ADCY2: variants seen among roughly 807,000 people sequenced by gnomAD.
ADCY2 encodes the protein adenylate cyclase type 2.
In ADCY2, 31 loss-of-function variants were observed where a neutral mutation model predicts 125.2. The observed-to-expected ratio is 0.25, with a 90% CI of 0.19 to 0.33. The LOEUF is 0.33. Ranked by LOEUF, ADCY2 falls within the 10% of genes least tolerant of loss-of-function variation. The pLI, the probability that ADCY2 is intolerant of heterozygous loss-of-function variation, is 1.00. For synonymous variants in ADCY2, 512 were observed against 548.4 expected (o/e 0.93, Z 0.93); for missense variants, 904 against 1,418.2 (o/e 0.64, Z 5.82).
At chr5:7,717,098 G>T in intron 11 of ADCY2, 59 bp from the exon 12 acceptor site, 1 of 1,097,496 alleles carries the variant, frequency 9.1e-7, no homozygotes, top group Non-Finnish European at 1.4e-6. Context: ...CTAAAAAATT[G>T]GCTTAATATT....
chr5:7,501,081 C>CT (rs992225915), intron 2 of ADCY2, among the ~76,000 whole-genome samples: 8 of 144,504 alleles, frequency 5.5e-5, no homozygotes, highest in Admixed American at 1.4e-4. Flanking sequence ...TTTTCAGCAT[C>CT]TTTTTTTTGT....
intron 15 of ADCY2, among the ~76,000 whole-genome samples, chr5:7,753,933 C>T (rs1742908003): frequency 6.6e-6 from 1 of 152,182 alleles, no homozygotes. Flanking sequence ...AAAGATACCG[C>T]CTGTCTCCCT....
chr5:7,442,903 C>G (rs1741066914), intron 2 of ADCY2, among the ~76,000 whole-genome samples: 1 of 152,138 alleles, frequency 6.6e-6, no homozygotes, highest in Non-Finnish European at 1.5e-5. Context: ...ATTGATACTC[C>G]TGAATATTAT....
At chr5:7,814,820 A>G (rs1438894830) in intron 22 of ADCY2, among the ~76,000 whole-genome samples, 1 of 152,040 alleles carries the variant, frequency 6.6e-6, no homozygotes, top group African/African-American at 2.4e-5. Context: ...ACCTTTCTTC[A>G]TCTCTGATTT....
intron 11 of ADCY2, among the ~76,000 whole-genome samples, chr5:7,714,829 T>C (rs1741547683): frequency 6.6e-6 from 1 of 152,364 alleles, no homozygotes; most frequent in South Asian, 2.1e-4. Context: ...AATACCTGTC[T>C]GAGCCTCCAG....
At chr5:7,614,949 G>A (rs1244995490) in intron 3 of ADCY2, among the ~76,000 whole-genome samples, 1 of 152,186 alleles carries the variant, frequency 6.6e-6, no homozygotes, top group East Asian at 1.9e-4. Flanking sequence ...AAGAAAACAG[G>A]TTTAATTGAC....
intron 7 of ADCY2, among the ~76,000 whole-genome samples, chr5:7,706,016 G>T (rs1450067065): frequency 6.6e-6 from 1 of 152,128 alleles, no homozygotes; most frequent in Non-Finnish European, 1.5e-5. Context: ...GCCTCTTGGG[G>T]TAATTCTTTC....
At chr5:7,550,333 C>G (rs1339254264) in intron 3 of ADCY2, among the ~76,000 whole-genome samples, 1 of 152,088 alleles carries the variant, frequency 6.6e-6, no homozygotes, top group Non-Finnish European at 1.5e-5. Context: ...TCTACTGGGT[C>G]TAAAAATCCC....
chr5:7,459,631 A>G (rs768081949), intron 2 of ADCY2, among the ~76,000 whole-genome samples: 5 of 152,048 alleles, frequency 3.3e-5, no homozygotes, highest in African/African-American at 4.8e-5. Context: ...CTTAACTCCA[A>G]AATTAAACGG....
At chr5:7,436,543 A>G (rs1424875079) in intron 2 of ADCY2, among the ~76,000 whole-genome samples, 1 of 152,342 alleles carries the variant, frequency 6.6e-6, no homozygotes, top group Admixed American at 6.5e-5. Context: ...GAAAACCTGT[A>G]GAACAGGTCC....
intron 18 of ADCY2, among the ~76,000 whole-genome samples, chr5:7,781,641 C>T (rs1293521907): frequency 6.6e-6 from 1 of 152,176 alleles, no homozygotes; most frequent in Non-Finnish European, 1.5e-5. Flanking sequence ...ACTTCTAGCC[C>T]CCACAACACT....
At chr5:7,632,505 G>A (rs1377511836) in intron 4 of ADCY2, among the ~76,000 whole-genome samples, 1 of 151,822 alleles carries the variant, frequency 6.6e-6, no homozygotes, top group Non-Finnish European at 1.5e-5. Flanking sequence ...AGCCAGTGTT[G>A]GTTATTGCTT....
intron 4 of ADCY2, among the ~76,000 whole-genome samples, chr5:7,678,645 T>C (rs1314743821): frequency 3.3e-5 from 5 of 152,224 alleles, no homozygotes; most frequent in Non-Finnish European, 7.3e-5. Flanking sequence ...ATTCAAAGTG[T>C]ATTTACTTTT....
At chr5:7,593,651 C>CATATCCATTCAAAA (rs1736916772) in intron 3 of ADCY2, among the ~76,000 whole-genome samples, 1 of 152,118 alleles carries the variant, frequency 6.6e-6, no homozygotes, top group South Asian at 2.1e-4. Flanking sequence ...CAAACAGATA[C>CATATCCATTCAAAA]ATATCCATTC....
chr5:7,630,906 G>A (rs1388022254), intron 4 of ADCY2, among the ~76,000 whole-genome samples: 1 of 151,248 alleles, frequency 6.6e-6, no homozygotes, highest in African/African-American at 2.4e-5. Context: ...TCCCACCTCA[G>A]TCTCCCAAGT....
rs866913821 is a variant in ADCY2 at position 7,617,346 on chromosome 5, G to A, written c.571-8821G>A. Among the ~76,000 whole-genome samples, 8 of 152,254 alleles carry A rather than the reference G, an allele frequency of 5.3e-5. No individual in the cohort carries two copies. The South Asian group carries it at 1.0e-3, about 20-fold the overall frequency. ...GCCAAGTCACAGCAAGAAGGCAGCC[G>A]TCTGCAAGCCAAGGAGAGAGGCCTC... On this transcript the variant is annotated intron_variant, in intron 3 of 24. Transcript: ENST00000338316.
rs183870571 is a variant in ADCY2 at position 7,804,836 on chromosome 5, G to C, written c.2883+144G>C. The stretch of plus-strand genomic sequence containing the variant: ...TCAGGGTCAAGGTCCTATGAGAGAA[G>C]ATGAAAATTCCAGACTTCTTAGAGC... On this transcript the variant is annotated intron_variant, in intron 22 of 24. Transcript: ENST00000338316. The C allele has an allele frequency of 4.7e-6, 3 of 631,734 alleles. No individual in the cohort carries two copies. In the East Asian group the frequency reaches 8.3e-5, roughly 18 times the overall value. The allele number at this position is 631,734 out of a possible 1,614,324, so 39.1% of individuals were successfully genotyped here.
At chr5:7,669,108 A>G (rs1160293684) in intron 4 of ADCY2, among the ~76,000 whole-genome samples, 6 of 152,196 alleles carry the variant, frequency 3.9e-5, no homozygotes, top group Admixed American at 1.3e-4. Flanking sequence ...TGACACTTCT[A>G]AAAAGGAGGA....
intron 3 of ADCY2, among the ~76,000 whole-genome samples, chr5:7,546,033 C>G (rs944508025): frequency 1.3e-5 from 2 of 152,198 alleles, no homozygotes; most frequent in African/African-American, 4.8e-5. Context: ...GAAGCCATCC[C>G]TTAAAGATAA....
Sources: allele counts gnomAD v4.1 joint callset (sites outside exome capture counted in the v4.1 genomes callset), GRCh38; gene constraint gnomAD v4.1.1; transcripts MANE v1.5; gene names NCBI Gene and HGNC (gene_info 2026-07-23, HGNC 2026-07-21).